The following CNTLN variants were observed in gnomAD, a reference collection of about 807,000 sequenced individuals.
CNTLN encodes the protein centlein, centrosomal protein.
A neutral mutation model predicts 180.0 loss-of-function variants in CNTLN; 212 were observed. The observed-to-expected ratio is 1.18, with a 90% confidence interval of 1.05 to 1.32. The LOEUF (loss-of-function observed/expected upper bound fraction) is 1.32, where lower values mean the gene tolerates loss of function less well. Ranked by LOEUF, CNTLN falls within the 40% of genes most tolerant of loss-of-function variation. The pLI, the probability that CNTLN is intolerant of heterozygous loss-of-function variation, is 0.00. For synonymous variants in CNTLN, 722 were observed against 563.1 expected, an observed-to-expected ratio of 1.28 and a Z score of -3.99; for missense variants, 2,095 against 1,610.9, an observed-to-expected ratio of 1.30 and a Z score of -5.14.
chr9:17,410,356 T>C (rs1827748473), intron 16 of CNTLN, among the ~76,000 whole-genome samples: 1 of 152,200 alleles, frequency 6.6e-6, no homozygotes, highest in Non-Finnish European at 1.5e-5. Context: ...GTAAATTGCC[T>C]CTTCAAGTCT....
intron 18 of CNTLN, among the ~76,000 whole-genome samples, chr9:17,446,744 G>A (rs1830447861): frequency 6.6e-6 from 1 of 152,124 alleles, no homozygotes; most frequent in South Asian, 2.1e-4. Flanking sequence ...TATGGATATT[G>A]ATTTCCTCTG....
chr9:17,203,206 C>A, intron 2 of CNTLN, among the ~76,000 whole-genome samples: 1 of 152,180 alleles, frequency 6.6e-6, no homozygotes, highest in Admixed American at 6.5e-5. Context: ...GAGAGATCCA[C>A]TGTTAGTCTG....
chr9:17,208,530 A>C (rs1036809532), intron 2 of CNTLN, among the ~76,000 whole-genome samples: 2 of 152,120 alleles, frequency 1.3e-5, no homozygotes, highest in East Asian at 1.9e-4. Flanking sequence ...CAACTACTTT[A>C]AATATGATTG....
intron 15 of CNTLN, among the ~76,000 whole-genome samples, chr9:17,408,491 C>G (rs1827582561): frequency 6.6e-6 from 1 of 151,958 alleles, no homozygotes; most frequent in East Asian, 1.9e-4. Flanking sequence ...ACTGCCTTAG[C>G]CTTCATGCCC....
chr9:17,311,488 A>G (rs1307960142), intron 8 of CNTLN, among the ~76,000 whole-genome samples: 1 of 150,198 alleles, frequency 6.7e-6, no homozygotes, highest in Non-Finnish European at 1.5e-5. Flanking sequence ...ATCCCAATCA[A>G]ACTCCCAGGA....
intron 18 of CNTLN, among the ~76,000 whole-genome samples, chr9:17,429,607 A>G (rs1355420425): frequency 2.0e-5 from 3 of 152,026 alleles, no homozygotes; most frequent in African/African-American, 7.2e-5. Context: ...CAGAATATCC[A>G]TGAGTTAATT....
At chr9:17,499,607 G>C (rs1262393725) in intron 25 of CNTLN, among the ~76,000 whole-genome samples, 1 of 152,158 alleles carries the variant, frequency 6.6e-6, no homozygotes, top group East Asian at 1.9e-4. Flanking sequence ...GGAAGGCACA[G>C]CTACTTAAAT....
At chr9:17,331,245 T>A (rs183650873) in intron 9 of CNTLN, among the ~76,000 whole-genome samples, 35 of 151,934 alleles carry the variant, frequency 2.3e-4, no homozygotes, top group African/African-American at 7.5e-4. Context: ...GAAAATAAAA[T>A]AGTAAATGAA....
At chr9:17,493,782 A>T (rs929049245) in intron 25 of CNTLN, among the ~76,000 whole-genome samples, 1 of 152,230 alleles carries the variant, frequency 6.6e-6, no homozygotes, top group Non-Finnish European at 1.5e-5. Context: ...GCCTTGTGGA[A>T]TAATAGGAAA....
In CNTLN at chr9:17,394,998, T is replaced by C. The variant is rs3739489; in HGVS notation, c.2544T>C (p.His848=). The C allele has an allele frequency of 0.9, 1,446,520 of 1,613,826 alleles. 649,719 individuals carry two copies. Among genetic ancestry groups the C allele is most frequent in the Non-Finnish European group, 0.91 (1,075,177 of 1,179,908 alleles). ...SVGRHHTVLN[H]SIKVMSNVFE... ...GTCGTCACCACACTGTTCTCAATCA[T>C]TCCATCAAGGTTATGAGCAATGTGT... The change falls in exon 15 of 26, where the codon CAT becomes CAC. Residue 848 remains histidine, a synonymous_variant. Transcript: ENST00000380647.
intron 5 of CNTLN, among the ~76,000 whole-genome samples, chr9:17,260,150 C>T (rs371960999): frequency 1.4e-3 from 208 of 147,456 alleles, no homozygotes; most frequent in Admixed American, 2.3e-3. Context: ...GCTTTGAATG[C>T]GTCCCAGAGA....
At chr9:17,346,123 A>G (rs968157158) in intron 12 of CNTLN, among the ~76,000 whole-genome samples, 2 of 152,174 alleles carry the variant, frequency 1.3e-5, no homozygotes, top group Admixed American at 6.6e-5. Flanking sequence ...GAAACTTACA[A>G]TCATGGTGGA....
At chr9:17,188,131 G>T (rs1478672953) in intron 2 of CNTLN, among the ~76,000 whole-genome samples, 1 of 151,264 alleles carries the variant, frequency 6.6e-6, no homozygotes, top group Non-Finnish European at 1.5e-5. Flanking sequence ...AAGATAAAAA[G>T]AATTAACAAA....
intron 5 of CNTLN, among the ~76,000 whole-genome samples, chr9:17,249,354 GTTTTT>G (rs71327899): frequency 1.0e-5 from 1 of 99,122 alleles, no homozygotes; most frequent in Non-Finnish European, 1.9e-5. Context: ...TGTTTTTTTT[GTTTTT>G]TTTTTTTGAG....
At chr9:17,313,178 T>G (rs556884592) in intron 8 of CNTLN, among the ~76,000 whole-genome samples, 1 of 152,328 alleles carries the variant, frequency 6.6e-6, no homozygotes, top group African/African-American at 2.4e-5. Flanking sequence ...AACTTTCTCA[T>G]TCTTTTAATT....
chr9:17,238,719 T>C (rs1477708943), intron 5 of CNTLN, among the ~76,000 whole-genome samples: 1 of 152,218 alleles, frequency 6.6e-6, no homozygotes, highest in East Asian at 1.9e-4. Context: ...TTTCTCTTAG[T>C]AATTTATCTT....
At chr9:17,470,432 A>G (rs1368089931) in intron 23 of CNTLN, among the ~76,000 whole-genome samples, 1 of 151,966 alleles carries the variant, frequency 6.6e-6, no homozygotes, top group Non-Finnish European at 1.5e-5. Flanking sequence ...ATTAATAGTA[A>G]TAATGTTTGT....
chr9:17,283,584 T>G lies in CNTLN; in HGVS notation c.983+9718T>G, dbSNP rs117934922. Among the ~76,000 whole-genome samples the G allele has an allele frequency of 1.3e-3, 194 of 152,256 alleles. 3 individuals carry two copies. In the East Asian group the frequency reaches 0.027, roughly 21 times the overall value. On this transcript the variant is annotated intron_variant, in intron 6 of 25. Transcript: ENST00000380647. ...TCCTCTCTTCCCATTTGAATACCCT[T>G]TGTTTCTTTGTCTTCCCTGACTGCC...
At chr9:17,521,285 G>GAGAGAGAGAT in the CNTLN span, among the ~76,000 whole-genome samples, 2 of 151,348 alleles carry the variant, frequency 1.3e-5, no homozygotes, top group Non-Finnish European at 2.9e-5. Flanking sequence ...GAGAGAGAGA[G>GAGAGAGAGAT]AGAGAGAGAG....
Sources: gnomAD v4.1 joint callset for allele counts (sites outside exome capture counted in the v4.1 genomes callset) on GRCh38, gnomAD v4.1.1 for gene constraint, MANE v1.5 for transcripts, NCBI Gene and HGNC (gene_info 2026-07-23, HGNC 2026-07-21) for gene names.